Variants in NSMCE2 observed in about 807,000 individuals in gnomAD.
The protein encoded by NSMCE2 is E3 SUMO-protein ligase NSE2.
In NSMCE2, 24 loss-of-function variants were observed where a neutral mutation model predicts 23.8. The ratio of observed to expected loss-of-function variants is 1.01; its 90% CI spans 0.73 to 1.42. The LOEUF is 1.42. Among genes scored for constraint, NSMCE2 ranks in the 40% most tolerant of loss-of-function variants. The probability of loss-of-function intolerance (pLI) is 0.00; values close to 1 mark genes in which losing one functional copy is unlikely to be tolerated. For missense variants in NSMCE2, 284 were observed against 296.5 expected (o/e 0.96, Z 0.31); for synonymous variants, 92 against 94.1 (o/e 0.98, Z 0.13).
chr8:125,134,042 A>G (rs1819925198), intron 3 of NSMCE2, among the ~76,000 whole-genome samples: 1 of 152,208 alleles, frequency 6.6e-6, no homozygotes, highest in South Asian at 2.1e-4. Context: ...TGGTGCTGTT[A>G]GTCCAGCCCA....
chr8:125,201,140 G>C (rs570824115), intron 5 of NSMCE2, among the ~76,000 whole-genome samples: 2 of 152,138 alleles, frequency 1.3e-5, no homozygotes, highest in South Asian at 4.1e-4. Context: ...GGAGAAGTTT[G>C]TTATTACTGA....
intron 5 of NSMCE2, among the ~76,000 whole-genome samples, chr8:125,336,278 T>C (rs534514143): frequency 6.6e-6 from 1 of 152,332 alleles, no homozygotes; most frequent in East Asian, 1.9e-4. Context: ...CTCAATTAAA[T>C]TCAATTCAAT....
chr8:125,333,411 A>T (rs1829952808), intron 5 of NSMCE2, among the ~76,000 whole-genome samples: 1 of 148,248 alleles, frequency 6.7e-6, no homozygotes, highest in Admixed American at 6.7e-5. Context: ...GCCTCAAGTG[A>T]TCCTCCTGCC....
intron 5 of NSMCE2, among the ~76,000 whole-genome samples, chr8:125,309,307 A>C (rs1828887083): frequency 6.6e-6 from 1 of 151,934 alleles, no homozygotes; most frequent in Non-Finnish European, 1.5e-5. Context: ...TACTTACTGC[A>C]TTGTAGAAGT....
chr8:125,253,076 T>G (rs898624224), intron 5 of NSMCE2, among the ~76,000 whole-genome samples: 2 of 152,224 alleles, frequency 1.3e-5, no homozygotes, highest in African/African-American at 4.8e-5. Flanking sequence ...ATGATAGGCA[T>G]TCTCATGATT....
intron 3 of NSMCE2, among the ~76,000 whole-genome samples, chr8:125,137,690 A>C (rs760586607): frequency 2.2e-4 from 34 of 152,152 alleles, no homozygotes; most frequent in Non-Finnish European, 2.8e-4. Context: ...TTTATGCCCA[A>C]AGGGTGGTGA....
intron 5 of NSMCE2, among the ~76,000 whole-genome samples, chr8:125,213,657 TTCTC>T (rs908095453): frequency 1.3e-5 from 2 of 148,826 alleles, no homozygotes; most frequent in Admixed American, 6.7e-5. Flanking sequence ...CTTTCTCTGT[TTCTC>T]TCTCTTTCTC....
intron 7 of NSMCE2, among the ~76,000 whole-genome samples, chr8:125,365,950 G>A (rs1327310952): frequency 1.3e-5 from 2 of 152,162 alleles, no homozygotes. Flanking sequence ...CTGGGTCGCT[G>A]CAGCCACATA....
At chr8:125,226,276 T>C (rs1825087572) in intron 5 of NSMCE2, among the ~76,000 whole-genome samples, 1 of 151,206 alleles carries the variant, frequency 6.6e-6, no homozygotes, top group African/African-American at 2.4e-5. Flanking sequence ...ATGTCCAGTC[T>C]TGGCATTTTA....
chr8:125,098,973 C>T (rs1358801367), intron 1 of NSMCE2, among the ~76,000 whole-genome samples: 1 of 152,104 alleles, frequency 6.6e-6, no homozygotes, highest in Non-Finnish European at 1.5e-5. Context: ...ACCTATACTA[C>T]AGTTTTGGAG....
intron 5 of NSMCE2, among the ~76,000 whole-genome samples, chr8:125,213,483 A>C (rs1471793240): frequency 2.3e-5 from 3 of 130,400 alleles, no homozygotes; most frequent in Admixed American, 7.6e-5. Flanking sequence ...TAAGGCACCC[A>C]TGTCTCCTCT....
At chr8:125,223,360 C>A (rs1325257114) in intron 5 of NSMCE2, among the ~76,000 whole-genome samples, 1 of 152,088 alleles carries the variant, frequency 6.6e-6, no homozygotes, top group Non-Finnish European at 1.5e-5. Flanking sequence ...CCTGTCCCAA[C>A]AAAATCAAAA....
At chr8:125,347,883 T>C (rs564343897) in intron 5 of NSMCE2, among the ~76,000 whole-genome samples, 4 of 152,314 alleles carry the variant, frequency 2.6e-5, no homozygotes, top group Admixed American at 2.6e-4. Flanking sequence ...TTGATCAGAA[T>C]GTTGACCTGA....
intron 5 of NSMCE2, among the ~76,000 whole-genome samples, chr8:125,205,604 G>T (rs886237053): frequency 6.6e-6 from 1 of 152,086 alleles, no homozygotes; most frequent in South Asian, 2.1e-4. Flanking sequence ...AAACTAGAAA[G>T]TATCTTACTC....
At chr8:125,180,945 A>G (rs1043828578) in intron 4 of NSMCE2, among the ~76,000 whole-genome samples, 1 of 152,218 alleles carries the variant, frequency 6.6e-6, no homozygotes, top group African/African-American at 2.4e-5. Context: ...GGAGTTTATT[A>G]GGGGAAAGAG....
chr8:125,152,485 T>TA (rs2130686380), intron 4 of NSMCE2, among the ~76,000 whole-genome samples: 1 of 152,264 alleles, frequency 6.6e-6, no homozygotes, highest in South Asian at 2.1e-4. Context: ...ACCACTGACT[T>TA]AAAAGAACAA....
At chr8:125,260,726 G>T (rs1826656856) in intron 5 of NSMCE2, among the ~76,000 whole-genome samples, 1 of 151,952 alleles carries the variant, frequency 6.6e-6, no homozygotes, top group South Asian at 2.1e-4. Context: ...CCAGGTTCAA[G>T]TGATTCTCAT....
intron 5 of NSMCE2, among the ~76,000 whole-genome samples, chr8:125,216,212 T>TGGATCAACAA (rs1563724765): frequency 2.0e-5 from 3 of 152,208 alleles, no homozygotes; most frequent in Non-Finnish European, 2.9e-5. Context: ...TTGATCCACT[T>TGGATCAACAA]ATCTGTCAAT....
intron 5 of NSMCE2, among the ~76,000 whole-genome samples, chr8:125,342,782 T>A (rs1393374943): frequency 6.6e-6 from 1 of 152,194 alleles, no homozygotes; most frequent in African/African-American, 2.4e-5. Context: ...TGAGTGTTCC[T>A]TACTCTTGGA....
Sources: gnomAD v4.1 joint callset for allele counts (sites outside exome capture counted in the v4.1 genomes callset) on GRCh38, gnomAD v4.1.1 for gene constraint, MANE v1.5 for transcripts, NCBI Gene and HGNC (gene_info 2026-07-23, HGNC 2026-07-21) for gene names.